RBFOX1: variants seen among roughly 807,000 people sequenced by gnomAD.
RBFOX1 encodes the protein RNA binding protein fox-1 homolog 1.
A neutral mutation model predicts 57.7 loss-of-function variants in RBFOX1; 8 were observed. The ratio of observed to expected loss-of-function variants is 0.14; its 90% CI spans 0.08 to 0.25. RBFOX1 has a LOEUF of 0.25. Ranked by LOEUF, RBFOX1 falls within the 10% of genes least tolerant of loss-of-function variation. The probability of loss-of-function intolerance (pLI) is 1.00; values close to 1 mark genes in which losing one functional copy is unlikely to be tolerated. For missense variants in RBFOX1, 611 were observed against 548.5 expected (o/e 1.11, Z -1.14); for synonymous variants, 326 against 222.4 (o/e 1.47, Z -4.15).
intron 3 of RBFOX1, among the ~76,000 whole-genome samples, chr16:5,808,117 G>A (rs2055293318): frequency 6.6e-6 from 1 of 152,168 alleles, no homozygotes; most frequent in African/African-American, 2.4e-5. Flanking sequence ...ATCAGAATGT[G>A]ACTATGTATG....
At chr16:6,063,837 C>A (rs1295497079) in intron 1 of RBFOX1, among the ~76,000 whole-genome samples, 1 of 152,122 alleles carries the variant, frequency 6.6e-6, no homozygotes, top group Non-Finnish European at 1.5e-5. Flanking sequence ...TGCTTGACAG[C>A]CTCCTTGTCC....
intron 4 of RBFOX1, among the ~76,000 whole-genome samples, chr16:7,106,670 G>A (rs2063638761): frequency 6.6e-6 from 1 of 151,732 alleles, no homozygotes; most frequent in Non-Finnish European, 1.5e-5. Flanking sequence ...TTCAAACATT[G>A]TGGAAATCCT....
At chr16:6,930,502 T>C (rs1233218208) in intron 3 of RBFOX1, among the ~76,000 whole-genome samples, 1 of 151,254 alleles carries the variant, frequency 6.6e-6, no homozygotes, top group Non-Finnish European at 1.5e-5. Context: ...CTCTGCCTTC[T>C]GGGTTCAGGT....
intron 4 of RBFOX1, among the ~76,000 whole-genome samples, chr16:7,415,601 G>A (rs1366005684): frequency 6.6e-5 from 10 of 151,952 alleles, no homozygotes; most frequent in Admixed American, 3.9e-4. Context: ...TATAATATAC[G>A]TAATATTATT....
rs2098511497 is a variant in RBFOX1, at chr16:7,418,886, T to C, written c.28-99261T>C. ...CAGAGCCACTAAGAGTCGAGGTTTT[T>C]TTTTGTTGTTGTTTCTGTTTGTTTT... is the stretch of plus-strand genomic sequence containing the variant. On this transcript the variant is annotated intron_variant, in intron 4 of 15. Coordinates refer to ENST00000550418, the MANE Select transcript of RBFOX1 (RefSeq NM_018723.4). 2.0e-5 allele frequency among the ~76,000 whole-genome samples: 3 copies of C among 152,098 alleles called. No homozygotes were observed. In the South Asian group the frequency reaches 6.2e-4, roughly 32 times the overall value.
intron 4 of RBFOX1, among the ~76,000 whole-genome samples, chr16:7,395,596 T>C (rs985921977): frequency 1.6e-4 from 25 of 152,226 alleles, no homozygotes; most frequent in African/African-American, 5.8e-4. Flanking sequence ...AAAAGCTTAT[T>C]ACCTTTGTTG....
intron 6 of RBFOX1, among the ~76,000 whole-genome samples, chr16:7,584,138 G>A (rs568665797): frequency 2.8e-4 from 43 of 152,096 alleles, no homozygotes; most frequent in Non-Finnish European, 4.7e-4. Flanking sequence ...TGGCCTTCAC[G>A]CACAATCTTT....
At chr16:5,663,047 G>C (rs2151392456) in intron 3 of RBFOX1, among the ~76,000 whole-genome samples, 1 of 152,222 alleles carries the variant, frequency 6.6e-6, no homozygotes, top group East Asian at 1.9e-4. Flanking sequence ...AGAAATTTTT[G>C]ATTGTCACAT....
At chr16:5,827,097 C>T (rs2056085574) in intron 3 of RBFOX1, among the ~76,000 whole-genome samples, 1 of 152,106 alleles carries the variant, frequency 6.6e-6, no homozygotes. Flanking sequence ...ACATGAGACC[C>T]TCCTTTAAAG....
intron 3 of RBFOX1, among the ~76,000 whole-genome samples, chr16:5,631,626 C>T (rs755156028): frequency 1.3e-5 from 2 of 151,980 alleles, no homozygotes; most frequent in Non-Finnish European, 2.9e-5. Flanking sequence ...TAATTTATTG[C>T]AGACTCCTTT....
chr16:6,395,240 C>T (rs185434879), intron 2 of RBFOX1, among the ~76,000 whole-genome samples: 6 of 152,228 alleles, frequency 3.9e-5, no homozygotes, highest in African/African-American at 1.4e-4. Flanking sequence ...AAGTTCTGAC[C>T]ATTAAACGAA....
At chr16:6,521,433 T>TCCCTC (rs544333735) in intron 2 of RBFOX1, among the ~76,000 whole-genome samples, 7 of 144,808 alleles carry the variant, frequency 4.8e-5, no homozygotes, top group South Asian at 2.4e-4. Context: ...TTCCTTCCCT[T>TCCCTC]CCCTCCCCTC....
chr16:6,287,942 T>C (rs957322766), intron 1 of RBFOX1, among the ~76,000 whole-genome samples: 1 of 152,190 alleles, frequency 6.6e-6, no homozygotes, highest in African/African-American at 2.4e-5. Context: ...TAAGTTTTGA[T>C]ATCTTGCTAA....
chr16:5,497,718 G>A (rs747585088), intron 2 of RBFOX1, among the ~76,000 whole-genome samples: 30 of 152,076 alleles, frequency 2.0e-4, no homozygotes, highest in East Asian at 1.7e-3. Context: ...GGCAGAGGTC[G>A]CAGTGAGCTG....
At chr16:6,212,231 A>T (rs991374115) in intron 1 of RBFOX1, among the ~76,000 whole-genome samples, 5 of 152,240 alleles carry the variant, frequency 3.3e-5, no homozygotes, top group African/African-American at 1.2e-4. Context: ...TACATTGTTA[A>T]TTGGTGAAAA....
At chr16:6,883,225 C>T (rs993719294) in intron 3 of RBFOX1, among the ~76,000 whole-genome samples, 2 of 152,152 alleles carry the variant, frequency 1.3e-5, no homozygotes, top group Non-Finnish European at 2.9e-5. Context: ...GCTTAGAAAT[C>T]TCGCTTTGCT....
intron 4 of RBFOX1, among the ~76,000 whole-genome samples, chr16:7,495,088 C>T (rs1433254613): frequency 2.6e-5 from 4 of 152,070 alleles, no homozygotes; most frequent in Admixed American, 1.3e-4. Context: ...TCTGTTCCTG[C>T]ATTAATTCAG....
At chr16:5,333,285 A>T in intron 1 of RBFOX1, among the ~76,000 whole-genome samples, 1 of 152,238 alleles carries the variant, frequency 6.6e-6, no homozygotes, top group Admixed American at 6.5e-5. Context: ...ATTTGGTTCA[A>T]GTCCTGCTTT....
At chr16:5,740,536 A>T (rs2052736303) in intron 3 of RBFOX1, among the ~76,000 whole-genome samples, 1 of 152,202 alleles carries the variant, frequency 6.6e-6, no homozygotes, top group African/African-American at 2.4e-5. Context: ...CGTGACTGAA[A>T]ACCAAACCCA....
Sources: allele counts gnomAD v4.1 joint callset (sites outside exome capture counted in the v4.1 genomes callset), GRCh38; gene constraint gnomAD v4.1.1; transcripts MANE v1.5; gene names NCBI Gene and HGNC (gene_info 2026-07-23, HGNC 2026-07-21).